The following ERCC6 variants were observed in gnomAD, a reference collection of about 807,000 sequenced individuals.
The protein encoded by ERCC6 is DNA excision repair protein ERCC-6.
ERCC6 carries 116 observed loss-of-function variants against 158.7 expected under a neutral mutation model. That is an observed-to-expected ratio of 0.73 (90% CI 0.63 to 0.85). ERCC6 has a LOEUF of 0.85. Ranked by LOEUF, ERCC6 falls within the 40% of genes least tolerant of loss-of-function variation. The pLI is 0.00. For missense variants in ERCC6, 1,698 were observed against 1,799.4 expected (o/e 0.94, Z 1.02); for synonymous variants, 678 against 659.3 (o/e 1.03, Z -0.43).
chr10:49,534,141 AAAAAAAAAAAAAAC>A (rs1183443056), intron 1 of ERCC6, among the ~76,000 whole-genome samples: 1 of 147,658 alleles, frequency 6.8e-6, no homozygotes, highest in Admixed American at 6.8e-5. Flanking sequence ...CTCAAAAAAA[AAAAAAAAAAAAAAC>A]AAAAAAAAAA....
chr10:49,482,933 G>T (rs930662201), intron 9 of ERCC6, 70 bp from the exon 10 acceptor site: 2 of 1,497,366 alleles, frequency 1.3e-6, no homozygotes, highest in Admixed American at 1.7e-5. Flanking sequence ...ACCCTAAAAC[G>T]CTCCTCTGCA....
rs764159237 is a variant in ERCC6, at chr10:49,524,368, A to T, written c.1062T>A (p.Pro354=). 4 of 1,614,082 alleles carry T rather than the reference A, an allele frequency of 2.5e-6. No individual in the cohort carries two copies. The South Asian group carries it at 4.4e-5, about 18-fold the overall frequency. Residue 354 remains proline, a synonymous_variant, in exon 5 of 21, where the codon CCT becomes CCA. Transcript: ENST00000355832. The stretch of plus-strand genomic sequence containing the variant: ...CCTCTGGCCTCATGTCTGACTCCCA[A>T]GGTCTCCTTGCCTTTGGCAATCCCA... The part of the protein sequence containing the change: ...GKVGLPKARR[P]WESDMRPEAE...
chr10:49,517,450 G>A, intron 5 of ERCC6, among the ~76,000 whole-genome samples: 1 of 152,122 alleles, frequency 6.6e-6, no homozygotes, highest in Non-Finnish European at 1.5e-5. Flanking sequence ...TGTACCCTCA[G>A]GAGGCAGACA....
intron 8 of ERCC6, among the ~76,000 whole-genome samples, chr10:49,485,715 C>T (rs934598197): frequency 1.3e-5 from 2 of 152,180 alleles, no homozygotes; most frequent in Non-Finnish European, 2.9e-5. Flanking sequence ...TACTGAGTAA[C>T]AGTTGCTACT....
chr10:49,472,710 T>C, intron 15 of ERCC6, 199 bp downstream of exon 15: 2 of 742,352 alleles, frequency 2.7e-6, no homozygotes, highest in Non-Finnish European at 4.4e-6. Context: ...TAGGAATGAA[T>C]GCTATGGATA....
intron 7 of ERCC6, among the ~76,000 whole-genome samples, chr10:49,497,788 C>T (rs114988459): frequency 5.8e-4 from 89 of 152,260 alleles, no homozygotes; most frequent in African/African-American, 2.1e-3. Flanking sequence ...CTTTGATTAC[C>T]ATTGATTACC....
In ERCC6 at chr10:49,507,500, T is replaced by C. The variant is rs377509822; in HGVS notation, c.1398-1488A>G. ...CTTAACTTCTAAAGGCAATCTCTTC[T>C]TCTCCACTGGTATTTTTTTTCCTTA... On this transcript the variant is annotated intron_variant, in intron 5 of 20. Transcript: ENST00000355832. 1.8e-4 allele frequency among the ~76,000 whole-genome samples: 27 copies of C among 152,346 alleles called. No individual in the cohort carries two copies. In the East Asian group the frequency reaches 5.2e-3, roughly 29 times the overall value.
At chr10:49,487,291 T>C (rs889603003) in intron 8 of ERCC6, among the ~76,000 whole-genome samples, 1 of 152,190 alleles carries the variant, frequency 6.6e-6, no homozygotes, top group African/African-American at 2.4e-5. Flanking sequence ...TATTAATAAT[T>C]TGACAGGTGT....
At position 49,470,779 on chromosome 10, in the gene ERCC6, T is replaced by G; in HGVS notation, c.3181A>C (p.Ile1061Leu). Reference sequence around the variant, plus strand: ...GATGATGTGGCATCATTTACAGATATGTTAGAAGCAGGGAACTTCTTGCGT... The same window carrying G: ...GATGATGTGGCATCATTTACAGATAGGTTAGAAGCAGGGAACTTCTTGCGT... ...PKRKKFPASN[I>L]SVNDATSSEE... is the part of the protein sequence containing the mutation. The change falls in exon 18 of 21, where the codon ATA (isoleucine) becomes CTA (leucine). Residue 1061 changes from isoleucine to leucine, a missense_variant. By Grantham distance (5) the Ile-to-Leu change is conservative. Transcript: ENST00000355832. 1.9e-6 allele frequency: 3 copies of G among 1,614,194 alleles called. No homozygotes were observed. The highest frequency in any genetic ancestry group is 2.5e-6 in the Non-Finnish European group (3 of 1,180,032).
the ERCC6 span, among the ~76,000 whole-genome samples, chr10:49,444,574 T>C: frequency 2.2e-4 from 33 of 152,212 alleles, no homozygotes; most frequent in East Asian, 6.2e-3. Flanking sequence ...CAGTCGATTG[T>C]GAAATTAAAA....
intron 7 of ERCC6, among the ~76,000 whole-genome samples, chr10:49,497,572 T>A (rs1004908305): frequency 6.6e-6 from 1 of 152,154 alleles, no homozygotes; most frequent in African/African-American, 2.4e-5. Flanking sequence ...GTAGAAAAAA[T>A]TGGAGATTTT....
upstream of ERCC6, among the ~76,000 whole-genome samples, chr10:49,539,213 G>C (rs946229714): frequency 6.6e-6 from 1 of 152,272 alleles, no homozygotes; most frequent in Non-Finnish European, 1.5e-5. Flanking sequence ...ACTTGCGTGC[G>C]AGCAGGGCGA....
At chr10:49,467,005 TC>T (rs920564690) in intron 18 of ERCC6, among the ~76,000 whole-genome samples, 4 of 152,314 alleles carry the variant, frequency 2.6e-5, no homozygotes, top group Non-Finnish European at 5.9e-5. Context: ...GGTCTCGAAC[TC>T]CTGACCTCAG....
chr10:49,439,730 T>TA, the ERCC6 span, among the ~76,000 whole-genome samples: 1 of 152,296 alleles, frequency 6.6e-6, no homozygotes, highest in East Asian at 1.9e-4. Context: ...CTAAATGCCT[T>TA]TAACAGCCTC....
rs772733062 is a variant in ERCC6, at chr10:49,457,704, G to C, written c.*1111C>G. 6.6e-6 allele frequency: 1 copy of C among 152,166 alleles called. No individual in the cohort carries two copies. Among genetic ancestry groups the C allele is most frequent in the Admixed American group, 6.5e-5 (1 of 15,276 alleles). The allele number at this position is 152,166 out of a possible 1,614,324, so 9.4% of individuals were successfully genotyped here. The stretch of plus-strand genomic sequence containing the variant: ...AGCTAAGAAGAAATTTCAGGAATAC[G>C]ATGAATTTCGGAAAACAACACTTCA... On this transcript the variant is annotated 3_prime_UTR_variant, in exon 21 of 21. Coordinates refer to ENST00000355832, the MANE Select transcript of ERCC6 (RefSeq NM_000124.4).
At chr10:49,494,802 G>A (rs1318841863) in intron 7 of ERCC6, among the ~76,000 whole-genome samples, 1 of 152,156 alleles carries the variant, frequency 6.6e-6, no homozygotes, top group Non-Finnish European at 1.5e-5. Flanking sequence ...ATGGTCACTG[G>A]GTTACAGTGA....
At chr10:49,480,888 G>A (rs1036377439) in intron 10 of ERCC6, among the ~76,000 whole-genome samples, 1 of 152,216 alleles carries the variant, frequency 6.6e-6, no homozygotes, top group Non-Finnish European at 1.5e-5. Flanking sequence ...CTTTAAAAAT[G>A]TCAAGGTAAT....
intron 1 of ERCC6, among the ~76,000 whole-genome samples, chr10:49,536,903 A>C (rs1317478565): frequency 6.6e-6 from 1 of 152,192 alleles, no homozygotes; most frequent in Admixed American, 6.5e-5. Flanking sequence ...AAAAACAAAC[A>C]AACAAAAAAA....
At chr10:49,464,604 G>A (rs548642889) in intron 18 of ERCC6, among the ~76,000 whole-genome samples, 40 of 152,342 alleles carry the variant, frequency 2.6e-4, no homozygotes, top group African/African-American at 9.4e-4. Context: ...AGAGGCCCAG[G>A]GGGAAAAAGT....
Sources: allele counts gnomAD v4.1 joint callset (sites outside exome capture counted in the v4.1 genomes callset), GRCh38; gene constraint gnomAD v4.1.1; transcripts MANE v1.5; gene names NCBI Gene and HGNC (gene_info 2026-07-23, HGNC 2026-07-21).